Variants in SPRY3 observed in about 807,000 individuals in gnomAD.
SPRY3 encodes sprouty RTK signaling antagonist 3, also known as protein sprouty homolog 3.
Under a neutral mutation model 20.2 loss-of-function variants are expected in SPRY3, and 15 were observed. That is an observed-to-expected ratio of 0.74 (90% confidence interval 0.50 to 1.14). The LOEUF (loss-of-function observed/expected upper bound fraction) is 1.14, where lower values mean the gene tolerates loss of function less well. Ranked by LOEUF, SPRY3 falls within the 50% of genes most tolerant of loss-of-function variation. The pLI, the probability that SPRY3 is intolerant of heterozygous loss-of-function variation, is 0.00. For missense variants in SPRY3, 364 were observed against 363.9 expected (o/e 1.00, Z 0.00); for synonymous variants, 143 against 136.5 (o/e 1.05, Z -0.33).
intron 2 of SPRY3, among the ~76,000 whole-genome samples, chrX:155,688,050 C>A (rs184290866): frequency 3.1e-3 from 267 of 86,238 alleles, no homozygotes; most frequent in African/African-American, 0.01. Context: ...CCCCACCCCT[C>A]CCCCGCCCCA....
chrX:155,638,092 G>A, intron 1 of SPRY3, among the ~76,000 whole-genome samples: 1 of 104,048 alleles, frequency 9.6e-6, no homozygotes, highest in Middle Eastern at 4.9e-3. Context: ...ATTTTTAATG[G>A]AGTGTCTGAG....
intron 1 of SPRY3, among the ~76,000 whole-genome samples, chrX:155,642,426 A>G (rs932399347): frequency 9.0e-6 from 1 of 111,474 alleles, no homozygotes; most frequent in Non-Finnish European, 1.9e-5. Context: ...TCTTTCCAAA[A>G]AACCATTTTT....
chrX:155,658,765 T>C (rs2067999723), intron 2 of SPRY3, among the ~76,000 whole-genome samples: 1 of 112,059 alleles, frequency 8.9e-6, no homozygotes, highest in Non-Finnish European at 1.9e-5. Flanking sequence ...CTTCTTCCTG[T>C]TCTTAGGGGG....
chrX:155,707,043 A>G (rs1487771872), intron 2 of SPRY3, among the ~76,000 whole-genome samples: 1 of 150,112 alleles, frequency 6.7e-6, no homozygotes, highest in Non-Finnish European at 1.5e-5. Flanking sequence ...CTTTAGGTTT[A>G]ATTTGCTCTT....
intron 1 of SPRY3, among the ~76,000 whole-genome samples, chrX:155,613,815 AG>A (rs2067840422): frequency 9.0e-6 from 1 of 110,699 alleles, no homozygotes; most frequent in East Asian, 2.8e-4. Flanking sequence ...TTTTTTCCCT[AG>A]GTCCAGTATG....
At chrX:155,750,062 C>G (rs2091253464) in intron 2 of SPRY3, among the ~76,000 whole-genome samples, 1 of 151,544 alleles carries the variant, frequency 6.6e-6, no homozygotes, top group South Asian at 2.1e-4. Flanking sequence ...TAAAATATCA[C>G]CAGAATACAT....
chrX:155,682,938 G>A (rs1050659127), intron 2 of SPRY3, among the ~76,000 whole-genome samples: 19 of 111,512 alleles, frequency 1.7e-4, no homozygotes, highest in African/African-American at 6.2e-4. Context: ...ATGACTTTGA[G>A]GGGTTCAAGA....
At chrX:155,615,189 A>G (rs782765250) in intron 1 of SPRY3, among the ~76,000 whole-genome samples, 86 of 112,933 alleles carry the variant, frequency 7.6e-4, no homozygotes, top group Non-Finnish European at 1.1e-3. Flanking sequence ...TGTTCCAATA[A>G]AAGTTTATTT....
chrX:155,746,853 A>T (rs2091229394), intron 2 of SPRY3, among the ~76,000 whole-genome samples: 2 of 151,982 alleles, frequency 1.3e-5, no homozygotes, highest in Non-Finnish European at 2.9e-5. Flanking sequence ...GGACTTTTCT[A>T]TGTAAGAAGG....
intron 2 of SPRY3, among the ~76,000 whole-genome samples, chrX:155,700,727 G>C (rs1254945232): frequency 4.4e-5 from 3 of 68,267 alleles, no homozygotes; most frequent in Non-Finnish European, 7.5e-5. Context: ...GTGTCATCTA[G>C]CATTAGGTAT....
chrX:155,634,108 C>T (rs782423654), intron 1 of SPRY3, among the ~76,000 whole-genome samples: 5 of 110,095 alleles, frequency 4.5e-5, no homozygotes, highest in Admixed American at 9.7e-5. Context: ...TCTATCGCTT[C>T]GGTGAAGTTT....
chrX:155,751,799 G>T, intron 2 of SPRY3, among the ~76,000 whole-genome samples: 1 of 151,546 alleles, frequency 6.6e-6, no homozygotes, highest in Middle Eastern at 3.4e-3. Context: ...TGGACATAGT[G>T]ATTCTGCCAG....
At chrX:155,753,268 T>G (rs2091271296) in intron 2 of SPRY3, among the ~76,000 whole-genome samples, 1 of 151,900 alleles carries the variant, frequency 6.6e-6, no homozygotes, top group South Asian at 2.1e-4. Context: ...CTCCTTTCCC[T>G]CAGTCCCTGA....
chrX:155,721,636 G>C (rs1441520361), intron 2 of SPRY3, among the ~76,000 whole-genome samples: 1 of 151,992 alleles, frequency 6.6e-6, no homozygotes, highest in Non-Finnish European at 1.5e-5. Context: ...CAGGTTAGGA[G>C]AGAGTGGCAT....
chrX:155,684,969 C>T (rs189702949), intron 2 of SPRY3, among the ~76,000 whole-genome samples: 246 of 111,683 alleles, frequency 2.2e-3, no homozygotes, highest in Admixed American at 3.3e-3. Flanking sequence ...AATGAGAAAT[C>T]CATTTTCCCT....
At chrX:155,679,898 G>A (rs1252943924) in intron 2 of SPRY3, among the ~76,000 whole-genome samples, 1 of 110,538 alleles carries the variant, frequency 9.0e-6, no homozygotes, top group Non-Finnish European at 1.9e-5. Context: ...CGAAGAGAGG[G>A]AGCAGGAAGA....
chrX:155,695,634 T>TAATC (rs2123996009), intron 2 of SPRY3, among the ~76,000 whole-genome samples: 1 of 111,273 alleles, frequency 9.0e-6, no homozygotes, highest in Non-Finnish European at 1.9e-5. Context: ...AAATATCTGA[T>TAATC]AATCTGTTCA....
chrX:155,644,277 A>G (rs1375857125), intron 1 of SPRY3, among the ~76,000 whole-genome samples: 3 of 109,687 alleles, frequency 2.7e-5, no homozygotes, highest in Non-Finnish European at 3.8e-5. Flanking sequence ...ACTACACTGC[A>G]TCAGACCTGA....
rs192669248 is a variant in SPRY3 at position 155,782,231 on chromosome X, G to A, written c.*7493G>A. 1.0e-4 allele frequency: 17 copies of A among 167,094 alleles called. No individual in the cohort carries two copies. The East Asian group carries it at 3.1e-3, about 30-fold the overall frequency. 10.4% of individuals were successfully genotyped at this position (167,094 alleles called of 1,614,324 possible). A position where few individuals can be genotyped will look rare whatever the true frequency, so the allele number is the denominator to read the frequency against. On this transcript the variant is annotated 3_prime_UTR_variant, in exon 2 of 2. Transcript: ENST00000302805. ...GAGGAAAGGGGCTTTCTGACTTGGA[G>A]CATCTGAGGAAATAGATTATTTGAG...
Sources: allele counts gnomAD v4.1 joint callset (sites outside exome capture counted in the v4.1 genomes callset), GRCh38; gene constraint gnomAD v4.1.1; transcripts MANE v1.5; gene names NCBI Gene and HGNC (gene_info 2026-07-23, HGNC 2026-07-21).